KLHL1: variants seen among roughly 807,000 people sequenced by gnomAD.
KLHL1 encodes kelch like family member 1, also known as kelch-like protein 1.
A neutral mutation model predicts 77.7 loss-of-function variants in KLHL1; 47 were observed. The ratio of observed to expected loss-of-function variants is 0.60; its 90% CI spans 0.48 to 0.77. The LOEUF (loss-of-function observed/expected upper bound fraction) is 0.77, where lower values mean the gene tolerates loss of function less well. Ranked by LOEUF, KLHL1 falls within the 30% of genes least tolerant of loss-of-function variation. KLHL1 has a pLI of 0.00. For missense variants in KLHL1, 925 were observed against 910.8 expected, an observed-to-expected ratio of 1.02 and a Z score of -0.20; for synonymous variants, 360 against 325.2, an observed-to-expected ratio of 1.11 and a Z score of -1.15.
In KLHL1 at chr13:69,829,156, C is replaced by G. The variant is rs531952852; in HGVS notation, c.1414+9820G>C. Among the ~76,000 whole-genome samples the G allele has an allele frequency of 2.0e-5, 3 of 150,398 alleles. No homozygotes were observed. In the East Asian group the frequency reaches 5.8e-4, roughly 29 times the overall value. On this transcript the variant is annotated intron_variant, in intron 6 of 10. Coordinates refer to ENST00000377844, the MANE Select transcript of KLHL1 (RefSeq NM_020866.3). ...TAGCACAACCAGCATTAGAGGAAACCAGCACACTAAACACAACTACAACCA... is the reference window on the plus strand; with the variant it reads ...TAGCACAACCAGCATTAGAGGAAACGAGCACACTAAACACAACTACAACCA...
chr13:69,781,587 CTTG>C (rs769715430), intron 7 of KLHL1, among the ~76,000 whole-genome samples: 10 of 152,022 alleles, frequency 6.6e-5, no homozygotes, highest in Non-Finnish European at 1.3e-4. Flanking sequence ...CTCATTCATG[CTTG>C]TTGTTCTCAT....
chr13:69,928,820 T>C (rs1474616184), intron 4 of KLHL1, among the ~76,000 whole-genome samples: 1 of 152,134 alleles, frequency 6.6e-6, no homozygotes, highest in Non-Finnish European at 1.5e-5. Flanking sequence ...TGAAATGTTC[T>C]ACAAGTGATA....
chr13:70,073,770 T>C (rs1887194782), intron 1 of KLHL1, among the ~76,000 whole-genome samples: 1 of 151,928 alleles, frequency 6.6e-6, no homozygotes, highest in South Asian at 2.1e-4. Flanking sequence ...GGGTGAGACC[T>C]TGTCTCAAAA....
At chr13:69,809,005 A>G (rs1319917120) in intron 6 of KLHL1, among the ~76,000 whole-genome samples, 1 of 130,812 alleles carries the variant, frequency 7.6e-6, no homozygotes, top group African/African-American at 3.1e-5. Flanking sequence ...CCTAGTCAGA[A>G]AAAAATAAAG....
intron 4 of KLHL1, among the ~76,000 whole-genome samples, chr13:69,908,922 A>G: frequency 6.7e-6 from 1 of 150,016 alleles, no homozygotes; most frequent in East Asian, 1.9e-4. Flanking sequence ...TATTTTAAAT[A>G]TTCTATAATA....
intron 1 of KLHL1, among the ~76,000 whole-genome samples, chr13:70,015,035 C>T (rs1325558904): frequency 1.3e-5 from 2 of 152,046 alleles, no homozygotes; most frequent in Non-Finnish European, 2.9e-5. Flanking sequence ...GTGATTTACA[C>T]TAATGAAAAG....
intron 6 of KLHL1, among the ~76,000 whole-genome samples, chr13:69,837,221 A>G (rs558438544): frequency 7.2e-5 from 11 of 151,826 alleles, no homozygotes; most frequent in Non-Finnish European, 1.3e-4. Flanking sequence ...TATTTAAGGA[A>G]ATACTCAGAG....
chr13:70,084,477 T>TTTTTTTTTG, intron 1 of KLHL1, among the ~76,000 whole-genome samples: 1 of 147,398 alleles, frequency 6.8e-6, no homozygotes, highest in Non-Finnish European at 1.5e-5. Flanking sequence ...TTTTTTTTTT[T>TTTTTTTTTG]GAGACGGAGT....
intron 1 of KLHL1, among the ~76,000 whole-genome samples, chr13:70,014,289 T>C (rs1361161852): frequency 6.6e-6 from 1 of 151,996 alleles, no homozygotes; most frequent in Non-Finnish European, 1.5e-5. Context: ...CATTTCACAG[T>C]AAGAAAAGCG....
At chr13:70,008,805 TA>T (rs1885464035) in intron 1 of KLHL1, among the ~76,000 whole-genome samples, 1 of 152,148 alleles carries the variant, frequency 6.6e-6, no homozygotes, top group African/African-American at 2.4e-5. Context: ...TATTCACCAG[TA>T]TGAATCTGCC....
chr13:70,031,762 A>G (rs1246791579), intron 1 of KLHL1, among the ~76,000 whole-genome samples: 1 of 152,210 alleles, frequency 6.6e-6, no homozygotes, highest in Non-Finnish European at 1.5e-5. Flanking sequence ...GTTGTTCTAG[A>G]GTGATAGTAT....
chr13:69,850,011 T>G (rs2138129717), intron 5 of KLHL1, among the ~76,000 whole-genome samples: 1 of 151,676 alleles, frequency 6.6e-6, no homozygotes, highest in Non-Finnish European at 1.5e-5. Flanking sequence ...TCTATATTAC[T>G]AAATGATTTA....
At chr13:69,946,526 T>A (rs1328137092) in intron 3 of KLHL1, among the ~76,000 whole-genome samples, 1 of 152,122 alleles carries the variant, frequency 6.6e-6, no homozygotes, top group Non-Finnish European at 1.5e-5. Flanking sequence ...CTTTTTTTTC[T>A]TTTTGAGACA....
intron 1 of KLHL1, among the ~76,000 whole-genome samples, chr13:70,002,322 T>C (rs1282090892): frequency 6.6e-6 from 1 of 151,562 alleles, no homozygotes; most frequent in Non-Finnish European, 1.5e-5. Context: ...AATTTAGAGA[T>C]AATTAGAATC....
chr13:69,727,018 AGACTTT>A (rs1467842839), intron 8 of KLHL1, among the ~76,000 whole-genome samples: 3 of 152,306 alleles, frequency 2.0e-5, no homozygotes, highest in African/African-American at 7.2e-5. Flanking sequence ...CACTGAAGCA[AGACTTT>A]GACAAATGGC....
At chr13:69,870,388 A>G (rs1432701708) in intron 5 of KLHL1, among the ~76,000 whole-genome samples, 1 of 152,088 alleles carries the variant, frequency 6.6e-6, no homozygotes, top group East Asian at 1.9e-4. Flanking sequence ...CCACGACCCA[A>G]ACACTTCCCA....
chr13:70,084,642 T>TTTTTTTTTTTTTTTTTTG (rs1887484421), intron 1 of KLHL1, among the ~76,000 whole-genome samples: 1 of 125,850 alleles, frequency 7.9e-6, no homozygotes, highest in African/African-American at 3.1e-5. Context: ...TTTTTTTTTT[T>TTTTTTTTTTTTTTTTTTG]TTTTTTGAAT....
In KLHL1 at chr13:70,019,186, T is replaced by C. The variant is rs77935479; in HGVS notation, c.498-43384A>G. Among the ~76,000 whole-genome samples, 912 of 152,108 alleles carry C rather than the reference T, an allele frequency of 6.0e-3. 7 individuals carry two copies. Among genetic ancestry groups the C allele is most frequent in the Middle Eastern group, 0.024 (7 of 294 alleles). On this transcript the variant is annotated intron_variant, in intron 1 of 10. Coordinates refer to ENST00000377844, the MANE Select transcript of KLHL1 (RefSeq NM_020866.3). ...AGAGAAGCATCTAATTCAGGAAAGGTTGTCTCTGTGTTATGAGGCAGCAGA... is the reference window on the plus strand; with the variant it reads ...AGAGAAGCATCTAATTCAGGAAAGGCTGTCTCTGTGTTATGAGGCAGCAGA...
intron 1 of KLHL1, among the ~76,000 whole-genome samples, chr13:70,006,502 G>GTT (rs35894102): frequency 0.015 from 2,041 of 138,826 alleles, 32 homozygotes; most frequent in African/African-American, 0.034. Context: ...TCCCCCTCAA[G>GTT]TTTTTTTTTT....
Sources: allele counts gnomAD v4.1 joint callset (sites outside exome capture counted in the v4.1 genomes callset), GRCh38; gene constraint gnomAD v4.1.1; transcripts MANE v1.5; gene names NCBI Gene and HGNC (gene_info 2026-07-23, HGNC 2026-07-21).